The following RIPOR2 variants were observed in gnomAD, a reference collection of about 807,000 sequenced individuals.
The protein encoded by RIPOR2 is RHO family interacting cell polarization regulator 2, also known as rho family-interacting cell polarization regulator 2.
RIPOR2 carries 39 observed loss-of-function variants against 114.5 expected under a neutral mutation model. That is an observed-to-expected ratio of 0.34 (90% CI 0.26 to 0.44). RIPOR2 has a LOEUF of 0.44. Ranked by LOEUF, RIPOR2 falls within the 20% of genes least tolerant of loss-of-function variation. The pLI is 1.00. For synonymous variants in RIPOR2, 445 were observed against 484.4 expected (o/e 0.92, Z 1.07); for missense variants, 1,007 against 1,255.1 (o/e 0.80, Z 2.99).
intron 1 of RIPOR2, chr6:24,876,846 C>A (rs1765819732): frequency 7.0e-6 from 3 of 430,746 alleles, no homozygotes. Flanking sequence ...TGTCAAAACA[C>A]AACTTCAGCT....
At chr6:24,852,069 G>A (rs1435972009) in intron 9 of RIPOR2, among the ~76,000 whole-genome samples, 1 of 152,022 alleles carries the variant, frequency 6.6e-6, no homozygotes, top group Non-Finnish European at 1.5e-5. Flanking sequence ...AGACCAGCCT[G>A]GCCAACATGG....
At chr6:24,867,780 A>G (rs1048584574) in intron 6 of RIPOR2, among the ~76,000 whole-genome samples, 2 of 152,350 alleles carry the variant, frequency 1.3e-5, no homozygotes, top group East Asian at 1.9e-4. Context: ...GCAAGCATTT[A>G]TCTTACCTAT....
At chr6:24,972,795 G>A (rs1443845759) in intron 1 of RIPOR2, among the ~76,000 whole-genome samples, 1 of 152,192 alleles carries the variant, frequency 6.6e-6, no homozygotes, top group East Asian at 1.9e-4. Context: ...GGAACTCACA[G>A]GTGGTTAAGT....
intron 1 of RIPOR2, among the ~76,000 whole-genome samples, chr6:24,891,870 T>G (rs1033453113): frequency 1.3e-5 from 2 of 152,174 alleles, no homozygotes; most frequent in African/African-American, 2.4e-5. Context: ...TTTTATTTTA[T>G]TTTTTTGAGA....
chr6:24,840,504 C>T, intron 13 of RIPOR2: 1 of 1,402,820 alleles, frequency 7.1e-7, no homozygotes, highest in Non-Finnish European at 9.3e-7. Flanking sequence ...TCCAAATATT[C>T]AAGAGGATGC....
chr6:25,031,721 A>ATG (rs1776961943), intron 1 of RIPOR2, among the ~76,000 whole-genome samples: 1 of 104,168 alleles, frequency 9.6e-6, no homozygotes, highest in Non-Finnish European at 1.9e-5. Flanking sequence ...ATATATATAT[A>ATG]TATATATATA....
At chr6:25,008,558 C>T (rs1017225798) in intron 1 of RIPOR2, among the ~76,000 whole-genome samples, 3 of 152,234 alleles carry the variant, frequency 2.0e-5, no homozygotes, top group African/African-American at 7.2e-5. Context: ...TTTTGGACTT[C>T]TGGCCTATAA....
intron 1 of RIPOR2, among the ~76,000 whole-genome samples, chr6:24,914,156 G>A (rs950925521): frequency 2.0e-5 from 3 of 152,062 alleles, no homozygotes; most frequent in Non-Finnish European, 4.4e-5. Context: ...CCAAAATGGC[G>A]AAACGCTGTC....
chr6:24,839,597 C>A, intron 13 of RIPOR2: 1 of 1,535,746 alleles, frequency 6.5e-7, no homozygotes, highest in Admixed American at 2.0e-5. Flanking sequence ...ATCTTCTCTA[C>A]TTCTGTTTGA....
intron 1 of RIPOR2, among the ~76,000 whole-genome samples, chr6:25,000,915 A>T (rs1376446953): frequency 6.6e-6 from 1 of 152,186 alleles, no homozygotes; most frequent in East Asian, 1.9e-4. Flanking sequence ...TAATTCCTGT[A>T]TATTGACCAG....
Position 24,869,167 on chromosome 6 carries a change from GA to G in RIPOR2, c.448-21del, listed in dbSNP as rs1562289048. The G allele has an allele frequency of 3.5e-6, 5 of 1,415,542 alleles. No individual in the cohort carries two copies. The Admixed American group carries it at 9.4e-5, about 27-fold the overall frequency. 87.7% of individuals were successfully genotyped at this position (1,415,542 alleles called of 1,614,324 possible). ...AATTTGCTGGAATTAAAAGAAGTTT[GA>G]AAAAGTACAGTCATTTATAGTTCAA... On this transcript the variant is annotated intron_variant, in intron 5 of 21. Transcript: ENST00000643898.
At chr6:24,957,150 A>T (rs1387802583) in intron 1 of RIPOR2, among the ~76,000 whole-genome samples, 2 of 152,238 alleles carry the variant, frequency 1.3e-5, no homozygotes, top group East Asian at 3.8e-4. Flanking sequence ...TTCATTAAGT[A>T]GCATTTATAA....
intron 1 of RIPOR2, among the ~76,000 whole-genome samples, chr6:24,884,779 T>C (rs979069037): frequency 2.0e-5 from 3 of 152,206 alleles, no homozygotes; most frequent in African/African-American, 2.4e-5. Flanking sequence ...AGGAGACTAC[T>C]TGGACATGTA....
intron 11 of RIPOR2, 70 bp downstream of exon 11, chr6:24,849,732 C>A: frequency 7.2e-7 from 1 of 1,398,064 alleles, no homozygotes; most frequent in Non-Finnish European, 1.0e-6. Context: ...ATGGTCCATG[C>A]ACCAGCTTTG....
chr6:24,893,401 C>T (rs1466993795), intron 1 of RIPOR2, among the ~76,000 whole-genome samples: 2 of 152,138 alleles, frequency 1.3e-5, no homozygotes, highest in Non-Finnish European at 2.9e-5. Flanking sequence ...CTTTATGGAG[C>T]ACTTTAGGAC....
chr6:24,898,303 A>G (rs556565123), intron 1 of RIPOR2: 2 of 152,270 alleles, frequency 1.3e-5, no homozygotes, highest in South Asian at 4.2e-4. Context: ...AAGTTCTGGC[A>G]CAGTAATATG....
rs758236733 is a variant in RIPOR2 at position 24,852,600 on chromosome 6, C to A, written c.734G>T (p.Arg245Leu). ...TTCATATTGATCTCCAGGACAGAGG[C>A]GTGCAAAGCCAGCCAGACCTGTAAC... ...IKMKGLAGFA[R>L]LCPGDQYEIF... is the part of the protein sequence containing the mutation. The change falls in exon 9 of 22, where the codon CGC becomes CTC. Residue 245 changes from arginine to leucine, a missense_variant. Physicochemically the swap from Arg to Leu is moderately radical, Grantham distance 102. Coordinates refer to ENST00000643898, the MANE Select transcript of RIPOR2 (RefSeq NM_001286445.3). 1.3e-6 allele frequency: 2 copies of A among 1,594,860 alleles called. No homozygotes were observed.
At chr6:24,819,629 T>TCAGCCTCC (rs749843654) in intron 19 of RIPOR2, among the ~76,000 whole-genome samples, 1 of 111,288 alleles carries the variant, frequency 9.0e-6, no homozygotes, top group Non-Finnish European at 1.9e-5. Context: ...TTCTCCTACC[T>TCAGCCTCC]CGATTACAGG....
chr6:24,996,478 G>A lies in RIPOR2; in HGVS notation c.76+45373C>T, dbSNP rs567278961. Among the ~76,000 whole-genome samples, 73 of 152,260 alleles carry A rather than the reference G, an allele frequency of 4.8e-4. No homozygotes were observed. The South Asian group carries it at 0.01, about 21-fold the overall frequency. ...GTTTAACCATCGCTGGCTGCCTCTCGTCTATACAGTCCTGACCCCTGAGCA... is the reference window on the plus strand; with the variant it reads ...GTTTAACCATCGCTGGCTGCCTCTCATCTATACAGTCCTGACCCCTGAGCA... On this transcript the variant is annotated intron_variant, in intron 1 of 13. Coordinates refer to the RIPOR2 transcript ENST00000510784.
Sources: gnomAD v4.1 joint callset for allele counts (sites outside exome capture counted in the v4.1 genomes callset) on GRCh38, gnomAD v4.1.1 for gene constraint, MANE v1.5 for transcripts, NCBI Gene and HGNC (gene_info 2026-07-23, HGNC 2026-07-21) for gene names.